NPAT: variants seen among roughly 807,000 people sequenced by gnomAD.
NPAT encodes the protein nuclear protein, coactivator of histone transcription.
A neutral mutation model predicts 130.7 loss-of-function variants in NPAT; 52 were observed. That is an observed-to-expected ratio of 0.40 (90% CI 0.32 to 0.50). The LOEUF is 0.50. Ranked by LOEUF, NPAT falls within the 20% of genes least tolerant of loss-of-function variation. The pLI, the probability that NPAT is intolerant of heterozygous loss-of-function variation, is 0.68. For missense variants in NPAT, 1,687 were observed against 1,662.6 expected (o/e 1.01, Z -0.26); for synonymous variants, 580 against 584.8 (o/e 0.99, Z 0.12).
intron 2 of NPAT, among the ~76,000 whole-genome samples, chr11:108,195,252 T>C (rs1376102721): frequency 6.6e-6 from 1 of 151,988 alleles, no homozygotes; most frequent in Non-Finnish European, 1.5e-5. Context: ...CATATAATCA[T>C]GTCATAATCA....
At chr11:108,191,897 A>G (rs2078173194) in intron 4 of NPAT, among the ~76,000 whole-genome samples, 1 of 152,228 alleles carries the variant, frequency 6.6e-6, no homozygotes, top group Non-Finnish European at 1.5e-5. Flanking sequence ...TGGAAATGTC[A>G]TTAAACTACT....
At chr11:108,199,083 T>C (rs2078250525) in intron 1 of NPAT, among the ~76,000 whole-genome samples, 1 of 152,184 alleles carries the variant, frequency 6.6e-6, no homozygotes, top group Admixed American at 6.5e-5. Flanking sequence ...ACAAACGAGC[T>C]GAAACATGCG....
Position 108,169,960 on chromosome 11 carries a change from T to A in NPAT, c.2869A>T (p.Asn957Tyr), listed in dbSNP as rs570566028. The A allele has an allele frequency of 6.2e-7, 1 of 1,614,002 alleles. No individual in the cohort carries two copies. Among genetic ancestry groups the A allele is most frequent in the South Asian group, 1.1e-5 (1 of 91,088 alleles). The change falls in exon 14 of 18, where the codon AAT becomes TAT. Residue 957 changes from asparagine to tyrosine, a missense_variant. Physicochemically the swap from Asn to Tyr is moderately radical, Grantham distance 143. Transcript: ENST00000278612. ...GGAGGAGTAGAAAAGTTATTTCCATTCTGTCCAACCACAGATACTGGGATC... is the reference window on the plus strand; with the variant it reads ...GGAGGAGTAGAAAAGTTATTTCCATACTGTCCAACCACAGATACTGGGATC... ...GMIPVSVVGQ[N>Y]GNNFSTPPRQ...
intron 1 of NPAT, among the ~76,000 whole-genome samples, chr11:108,209,086 C>T (rs1425635048): frequency 6.6e-6 from 1 of 151,354 alleles, no homozygotes. Flanking sequence ...TTGAGGCCAG[C>T]CTGGCCAACA....
Position 108,189,149 on chromosome 11 carries a change from A to G in NPAT, c.513T>C (p.Tyr171=). The G allele has an allele frequency of 6.2e-7, 1 of 1,614,216 alleles. No individual in the cohort carries two copies. The highest frequency in any genetic ancestry group is 8.5e-7 in the Non-Finnish European group (1 of 1,180,028). The part of the protein sequence containing the change: ...SGQISDPSRS[Y]FVVVNHSQSQ... Reference sequence around the variant, plus strand: ...ACTGTGAGTGGTTGACCACTACAAAATATGACCTCGATGGATCTGAAATTT... The same window carrying G: ...ACTGTGAGTGGTTGACCACTACAAAGTATGACCTCGATGGATCTGAAATTT... The change falls in exon 6 of 18, where the codon TAT becomes TAC. Residue 171 remains tyrosine, a synonymous_variant. Coordinates refer to ENST00000278612, the MANE Select transcript of NPAT (RefSeq NM_002519.3).
intron 1 of NPAT, among the ~76,000 whole-genome samples, chr11:108,204,702 G>A (rs1052692437): frequency 6.6e-6 from 1 of 152,242 alleles, no homozygotes; most frequent in African/African-American, 2.4e-5. Context: ...CCAGAGTGGG[G>A]CAGTGGGCCT....
chr11:108,176,938 A>C, intron 11 of NPAT, 56 bp downstream of exon 11: 9 of 1,141,274 alleles, frequency 7.9e-6, no homozygotes, highest in Non-Finnish European at 1.2e-5. Flanking sequence ...TGGTTAAGTT[A>C]CCAAAGAAAT....
chr11:108,190,002 A>G (rs1283208562), intron 5 of NPAT, among the ~76,000 whole-genome samples: 2 of 151,946 alleles, frequency 1.3e-5, no homozygotes, highest in Non-Finnish European at 2.9e-5. Context: ...ATTAATTAAC[A>G]TAACTGTACT....
Position 108,173,737 on chromosome 11 carries a change from A to G in NPAT, c.1247T>C (p.Phe416Ser). 6.2e-7 allele frequency: 1 copy of G among 1,614,098 alleles called. No homozygotes were observed. Among genetic ancestry groups the G allele is most frequent in the Non-Finnish European group, 8.5e-7 (1 of 1,180,018 alleles). ...CTGTATGCTGGTACTTATTTGGGAA[A>G]AATTTTCCTGGTCTTCTTGTCTAAG... ...DVLRQEDQEN[F>S]SQISTSIQKK... Residue 416 changes from phenylalanine to serine, a missense_variant, in exon 13 of 18, where the codon TTT becomes TCT. Transcript: ENST00000278612.
chr11:108,162,261 T>A, intron 15 of NPAT, 81 bp from the exon 16 acceptor site: 1 of 1,312,634 alleles, frequency 7.6e-7, no homozygotes, highest in Non-Finnish European at 1.1e-6. Flanking sequence ...TTATCACATA[T>A]CATGAGAAAA....
At chr11:108,215,307 T>G (rs2078423348) in intron 1 of NPAT, among the ~76,000 whole-genome samples, 1 of 152,204 alleles carries the variant, frequency 6.6e-6, no homozygotes, top group East Asian at 1.9e-4. Flanking sequence ...ACTGAAATTA[T>G]AAGTGGGAGC....
intron 10 of NPAT, among the ~76,000 whole-genome samples, chr11:108,184,882 C>A (rs1591398697): frequency 2.0e-5 from 3 of 152,238 alleles, no homozygotes; most frequent in East Asian, 3.9e-4. Context: ...AATTATTATA[C>A]AATTTGTAGC....
At chr11:108,181,674 C>T (rs1285178161) in intron 10 of NPAT, among the ~76,000 whole-genome samples, 2 of 151,678 alleles carry the variant, frequency 1.3e-5, no homozygotes, top group South Asian at 2.1e-4. Context: ...GCTTGTTGTT[C>T]ATTTTCCTTT....
In NPAT at chr11:108,160,958, A is replaced by G; in HGVS notation, c.4128T>C (p.Asp1376=). The G allele has an allele frequency of 1.2e-6, 2 of 1,614,156 alleles. No individual in the cohort carries two copies. Among genetic ancestry groups the G allele is most frequent in the Non-Finnish European group, 1.7e-6 (2 of 1,180,006 alleles). Residue 1376 remains aspartate, a synonymous_variant, in exon 17 of 18, where the codon GAT becomes GAC. Coordinates refer to ENST00000278612, the MANE Select transcript of NPAT (RefSeq NM_002519.3). ...TTKKRKIEEL[D]ERERNSRPSS... is the part of the protein sequence containing the mutation. ...AAGGACGAGAGTTTCGCTCACGTTC[A>G]TCTAATTCCTCAATTTTCCGCTTTT...
intron 1 of NPAT, chr11:108,208,395 T>A (rs967140685): frequency 8.8e-6 from 4 of 452,582 alleles, no homozygotes; most frequent in South Asian, 4.7e-5. Flanking sequence ...TTCAAGACCA[T>A]CCCGGGAAAC....
chr11:108,218,549 G>A (rs1051072177), intron 1 of NPAT, among the ~76,000 whole-genome samples: 2 of 152,110 alleles, frequency 1.3e-5, no homozygotes, highest in South Asian at 4.1e-4. Flanking sequence ...CAGGGACAAG[G>A]TTTCTGTCTA....
chr11:108,216,505 G>C (rs2078436840), intron 1 of NPAT, among the ~76,000 whole-genome samples: 1 of 151,098 alleles, frequency 6.6e-6, no homozygotes, highest in Admixed American at 6.6e-5. Flanking sequence ...GTGGGGAGGA[G>C]AGGAGGGTCA....
chr11:108,190,618 C>G, intron 4 of NPAT, 118 bp from the exon 5 acceptor site: 1 of 857,500 alleles, frequency 1.2e-6, no homozygotes, highest in Non-Finnish European at 1.9e-6. Flanking sequence ...AAATCTCTCT[C>G]AGACAAAAAA....
At chr11:108,186,065 T>C (rs2078105466) in intron 8 of NPAT, among the ~76,000 whole-genome samples, 1 of 151,566 alleles carries the variant, frequency 6.6e-6, no homozygotes, top group Non-Finnish European at 1.5e-5. Flanking sequence ...CACCCAGGCT[T>C]GAGTGTAGTG....
Sources: allele counts gnomAD v4.1 joint callset (sites outside exome capture counted in the v4.1 genomes callset), GRCh38; gene constraint gnomAD v4.1.1; transcripts MANE v1.5; gene names NCBI Gene and HGNC (gene_info 2026-07-23, HGNC 2026-07-21).